Variants in MGST1 observed in about 807,000 individuals in gnomAD.
MGST1 encodes the protein microsomal glutathione S-transferase 1.
Under a neutral mutation model 8.9 loss-of-function variants are expected in MGST1, and 5 were observed. The observed-to-expected ratio is 0.56, with a 90% CI of 0.29 to 1.19. The LOEUF is 1.19. Among genes scored for constraint, MGST1 ranks in the 50% most tolerant of loss-of-function variants. MGST1 has a pLI of 0.08. For synonymous variants in MGST1, 54 were observed against 67.8 expected, an observed-to-expected ratio of 0.80 and a Z score of 1.00; for missense variants, 182 against 187.4, an observed-to-expected ratio of 0.97 and a Z score of 0.17.
chr12:16,358,090 T>C (rs1939808943), intron 3 of MGST1, among the ~76,000 whole-genome samples: 1 of 152,150 alleles, frequency 6.6e-6, no homozygotes, highest in African/African-American at 2.4e-5. Context: ...AATAAGAATG[T>C]TGACACTCTG....
downstream of MGST1, among the ~76,000 whole-genome samples, chr12:16,381,524 G>A (rs1940454009): frequency 1.3e-5 from 2 of 152,114 alleles, no homozygotes; most frequent in Non-Finnish European, 2.9e-5. Context: ...TAGTCTGATG[G>A]GCTTCCCTTT....
At chr12:16,498,195 A>T (rs1263423209) in intron 4 of MGST1, among the ~76,000 whole-genome samples, 1 of 152,166 alleles carries the variant, frequency 6.6e-6, no homozygotes, top group Non-Finnish European at 1.5e-5. Flanking sequence ...GACATTTTTC[A>T]AAATCCAAAA....
At chr12:16,445,267 G>C (rs904442671) in intron 4 of MGST1, among the ~76,000 whole-genome samples, 2 of 151,810 alleles carry the variant, frequency 1.3e-5, no homozygotes, top group Non-Finnish European at 2.9e-5. Flanking sequence ...GTGGCAGGGG[G>C]TGTGAGATAT....
At chr12:16,583,905 G>C (rs1290012077) in intron 4 of MGST1, among the ~76,000 whole-genome samples, 1 of 152,166 alleles carries the variant, frequency 6.6e-6, no homozygotes, top group African/African-American at 2.4e-5. Flanking sequence ...AAAGAGACAT[G>C]ACAGGAGAGC....
rs1941849847 is a variant in MGST1 at position 16,547,963 on chromosome 12, C to T, written n.483-41565C>T. ...TTTACTACAGATATAATTTTCAGTGCCCTGTTTCAGTTAAGGTGCAACATC... is the reference window on the plus strand; with the variant it reads ...TTTACTACAGATATAATTTTCAGTGTCCTGTTTCAGTTAAGGTGCAACATC... On this transcript the variant is annotated intron_variant and non_coding_transcript_variant, in intron 4 of 4. Coordinates refer to the MGST1 transcript ENST00000538857. The surrounding 1 kb of genome is among the most constrained non-coding windows in gnomAD (Gnocchi z 4.6). 6.6e-6 allele frequency among the ~76,000 whole-genome samples: 1 copy of T among 152,104 alleles called. No individual in the cohort carries two copies. Among genetic ancestry groups the T allele is most frequent in the African/African-American group, 2.4e-5 (1 of 41,408 alleles).
rs1236408037 is a variant in MGST1, at chr12:16,513,998, T to G, written n.483-75530T>G. On this transcript the variant is annotated intron_variant and non_coding_transcript_variant, in intron 4 of 4. Coordinates refer to the MGST1 transcript ENST00000538857. This position sits in a 1 kb window ranked among gnomAD's most constrained non-coding sequence, Gnocchi z 4.2. Reference sequence around the variant, plus strand: ...ATTTCAAAAACACCAGAGCAAAGTCTTCTTCTTCTGCATGCTTGCTCCCAT... The same window carrying G: ...ATTTCAAAAACACCAGAGCAAAGTCGTCTTCTTCTGCATGCTTGCTCCCAT... The G allele has an allele frequency of 5.9e-5, 26 of 439,016 alleles. No homozygotes were observed. The highest frequency in any genetic ancestry group is 3.2e-4 in the South Asian group (15 of 46,386). 27.2% of individuals were successfully genotyped at this position (439,016 alleles called of 1,614,324 possible).
At chr12:16,549,097 C>A (rs1384900995) in intron 4 of MGST1, 1 of 152,058 alleles carries the variant, frequency 6.6e-6, no homozygotes, top group African/African-American at 2.4e-5. Context: ...TATAATTTTA[C>A]ATCCATGTGA....
rs1387331865 is a variant in MGST1, at chr12:16,389,935, C to G, written n.778+6331C>G. On this transcript the variant is annotated intron_variant and non_coding_transcript_variant, in intron 1 of 1. Transcript: ENST00000359720. The surrounding 1 kb of genome is among the most constrained non-coding windows in gnomAD (Gnocchi z 4.6). ...AAAAAGAGAAAAAGAGAGCAATGCT[C>G]TTGTGAAAAGGGAGTTGAAGTGCAA... is the stretch of plus-strand genomic sequence containing the variant. Among the ~76,000 whole-genome samples, 1 of 152,176 alleles carries G rather than the reference C, an allele frequency of 6.6e-6. No individual in the cohort carries two copies. The highest frequency in any genetic ancestry group is 1.5e-5 in the Non-Finnish European group (1 of 68,038).
At chr12:16,442,653 T>A (rs184269952), downstream of MGST1, among the ~76,000 whole-genome samples, 3 of 151,992 alleles carry the variant, frequency 2.0e-5, no homozygotes, top group Admixed American at 6.6e-5. This position sits in a 1 kb window ranked among gnomAD's most constrained non-coding sequence, Gnocchi z 4.5. Flanking sequence ...ATTGATCTAC[T>A]TGTCTATTCT....
At chr12:16,477,953 A>T (rs935916099) in intron 4 of MGST1, among the ~76,000 whole-genome samples, 1 of 152,218 alleles carries the variant, frequency 6.6e-6, no homozygotes, top group African/African-American at 2.4e-5. Flanking sequence ...TCAAAATTGC[A>T]TATTAAACAT....
chr12:16,460,313 T>C (rs60897264), intron 4 of MGST1, among the ~76,000 whole-genome samples: 4,900 of 152,174 alleles, frequency 0.032, 278 homozygotes, highest in African/African-American at 0.11. Context: ...CATTTTCTGC[T>C]GGAGGAATCG....
chr12:16,519,698 C>T (rs1941636826), intron 4 of MGST1, among the ~76,000 whole-genome samples: 1 of 152,156 alleles, frequency 6.6e-6, no homozygotes, highest in African/African-American at 2.4e-5. Context: ...CTCCACCTTT[C>T]TCATTATGAC....
rs1200723249 is a variant in MGST1, at chr12:16,555,948, C to G, written n.483-33580C>G. On this transcript the variant is annotated intron_variant and non_coding_transcript_variant, in intron 4 of 4. Transcript: ENST00000538857. This position sits in a 1 kb window ranked among gnomAD's most constrained non-coding sequence, Gnocchi z 5.5. The stretch of plus-strand genomic sequence containing the variant: ...TTCCCTAACACTTCAAGAAGGATGG[C>G]TCTCTCTTCCCTCAGTATAGCTCTA... Among the ~76,000 whole-genome samples, 2 of 152,000 alleles carry G rather than the reference C, an allele frequency of 1.3e-5. No homozygotes were observed. The highest frequency in any genetic ancestry group is 2.9e-5 in the Non-Finnish European group (2 of 67,996).
intron 4 of MGST1, among the ~76,000 whole-genome samples, chr12:16,449,154 G>T (rs1941107930): frequency 6.6e-6 from 1 of 151,884 alleles, no homozygotes; most frequent in African/African-American, 2.4e-5. Context: ...GGCTTAATTG[G>T]CCCACAGTTC....
intron 3 of MGST1, among the ~76,000 whole-genome samples, chr12:16,360,613 GAT>G (rs1187226338): frequency 1.3e-5 from 2 of 152,136 alleles, no homozygotes; most frequent in African/African-American, 4.8e-5. Context: ...AACACAAAAA[GAT>G]AAAAAGAAAG....
At chr12:16,503,000 T>G (rs1394580970) in intron 4 of MGST1, among the ~76,000 whole-genome samples, 1 of 152,188 alleles carries the variant, frequency 6.6e-6, no homozygotes, top group Non-Finnish European at 1.5e-5. Context: ...TCTAGGATTT[T>G]GAGGTAGAGC....
Position 16,401,253 on chromosome 12 carries a change from C to G in MGST1, n.778+17649C>G, listed in dbSNP as rs1172272634. 1.0e-5 allele frequency: 16 copies of G among 1,566,186 alleles called. No homozygotes were observed. Among genetic ancestry groups the G allele is most frequent in the Non-Finnish European group, 1.4e-5 (16 of 1,139,196 alleles). On this transcript the variant is annotated intron_variant and non_coding_transcript_variant, in intron 1 of 1. Coordinates refer to the MGST1 transcript ENST00000359720. The surrounding 1 kb of genome is among the most constrained non-coding windows in gnomAD (Gnocchi z 4.3). ...AGGTTTTCTCTTCTGGCTTTTTCCC[C>G]TCCTTGTTAGTCAGGTCTGAGAATC...
At chr12:16,443,220 A>G (rs755583664), downstream of MGST1, among the ~76,000 whole-genome samples, 2 of 151,590 alleles carry the variant, frequency 1.3e-5, no homozygotes, top group Non-Finnish European at 3.0e-5. Context: ...TTTTTCAGTT[A>G]TTTTCAGATT....
At chr12:16,398,657 G>A (rs1303332773) in intron 1 of MGST1, among the ~76,000 whole-genome samples, 1 of 152,224 alleles carries the variant, frequency 6.6e-6, no homozygotes, top group Non-Finnish European at 1.5e-5. Flanking sequence ...ATTGCTTTTT[G>A]TGTCTTCTAA....
Sources: gnomAD v4.1 joint callset for allele counts (sites outside exome capture counted in the v4.1 genomes callset) on GRCh38, gnomAD v4.1.1 for gene constraint, Gnocchi (gnomAD v3.1) non-coding constraint, MANE v1.5 for transcripts, NCBI Gene and HGNC (gene_info 2026-07-23, HGNC 2026-07-21) for gene names.